The following FOXJ3 variants were observed in gnomAD, a reference collection of about 807,000 sequenced individuals.
The protein encoded by FOXJ3 is forkhead box J3, also known as forkhead box protein J3.
A neutral mutation model predicts 76.1 loss-of-function variants in FOXJ3; 22 were observed. The observed-to-expected ratio is 0.29, with a 90% CI of 0.21 to 0.41. The LOEUF (loss-of-function observed/expected upper bound fraction) is 0.41, where lower values mean the gene tolerates loss of function less well. Among genes scored for constraint, FOXJ3 ranks in the 10% least tolerant of loss-of-function variants. The pLI, the probability that FOXJ3 is intolerant of heterozygous loss-of-function variation, is 1.00. For missense variants in FOXJ3, 613 were observed against 762.1 expected (o/e 0.80, Z 2.30); for synonymous variants, 269 against 261.2 (o/e 1.03, Z -0.29).
At chr1:42,274,857 G>A (rs1259025996) in intron 3 of FOXJ3, among the ~76,000 whole-genome samples, 1 of 151,462 alleles carries the variant, frequency 6.6e-6, no homozygotes, top group Non-Finnish European at 1.5e-5. Context: ...TGAAATAATA[G>A]GGCAATATCA....
intron 6 of FOXJ3, among the ~76,000 whole-genome samples, chr1:42,203,265 A>T (rs1432782456): frequency 6.6e-6 from 1 of 152,062 alleles, no homozygotes; most frequent in Non-Finnish European, 1.5e-5. Flanking sequence ...ATATTCAATC[A>T]CTTGTTTACA....
At chr1:42,288,691 T>C (rs1292815512) in intron 2 of FOXJ3, among the ~76,000 whole-genome samples, 2 of 152,238 alleles carry the variant, frequency 1.3e-5, no homozygotes, top group African/African-American at 4.8e-5. Flanking sequence ...AAACATTATT[T>C]GCCTTTTTTC....
At chr1:42,269,037 G>A (rs1651679570) in intron 3 of FOXJ3, among the ~76,000 whole-genome samples, 1 of 152,118 alleles carries the variant, frequency 6.6e-6, no homozygotes, top group Non-Finnish European at 1.5e-5. Context: ...AGAATTATGA[G>A]AAATAAACAT....
At chr1:42,203,995 C>A (rs1450477919) in intron 6 of FOXJ3, among the ~76,000 whole-genome samples, 77 of 125,268 alleles carry the variant, frequency 6.1e-4, no homozygotes, top group Admixed American at 7.2e-4. Flanking sequence ...GATCCTGTCT[C>A]AAAAAAAAAA....
chr1:42,182,647 A>G lies in FOXJ3; in HGVS notation c.1646-623T>C, dbSNP rs147403702. Among the ~76,000 whole-genome samples the G allele has an allele frequency of 2.8e-4, 42 of 152,206 alleles. 3 individuals carry two copies. In the East Asian group the frequency reaches 8.2e-3, roughly 30 times the overall value. On this transcript the variant is annotated intron_variant, in intron 11 of 12. Transcript: ENST00000361346. ...CAAGTAGCTGGGATTACAGGCGTGC[A>G]CTACCACGCCTGGCTAATTTTTGTA...
chr1:42,288,408 C>T (rs1276916653), intron 2 of FOXJ3, among the ~76,000 whole-genome samples: 1 of 152,230 alleles, frequency 6.6e-6, no homozygotes, highest in Non-Finnish European at 1.5e-5. Context: ...ACTACTTCAG[C>T]TCACCAGCCA....
chr1:42,181,203 C>G (rs1465696670), intron 12 of FOXJ3, among the ~76,000 whole-genome samples: 1 of 152,206 alleles, frequency 6.6e-6, no homozygotes, highest in African/African-American at 2.4e-5. Context: ...TCTGGCCACT[C>G]ACTAAACTGG....
At chr1:42,216,387 G>A (rs558482849) in intron 5 of FOXJ3, among the ~76,000 whole-genome samples, 8 of 151,626 alleles carry the variant, frequency 5.3e-5, no homozygotes, top group African/African-American at 9.7e-5. Context: ...GCGTGGTAGC[G>A]GGCGCCTGTA....
At chr1:42,288,889 G>A (rs1176036780) in intron 2 of FOXJ3, among the ~76,000 whole-genome samples, 1 of 152,046 alleles carries the variant, frequency 6.6e-6, no homozygotes, top group African/African-American at 2.4e-5. Context: ...GGAACATACA[G>A]TTACTTTACA....
chr1:42,242,191 A>G (rs1649196983), intron 4 of FOXJ3, among the ~76,000 whole-genome samples: 1 of 152,072 alleles, frequency 6.6e-6, no homozygotes, highest in African/African-American at 2.4e-5. Context: ...CAACATAAAA[A>G]CACAAGAAAT....
Position 42,277,796 on chromosome 1 carries a change from CAAAAAAAAAAAA to C in FOXJ3, c.369+540_369+551del, listed in dbSNP as rs889209417. Among the ~76,000 whole-genome samples the C allele has an allele frequency of 9.8e-4, 2 of 2,036 alleles. 1 individual carries two copies. Among genetic ancestry groups the C allele is most frequent in the Admixed American group, 0.03 (2 of 66 alleles). 1.3% of individuals were successfully genotyped at this position (2,036 alleles called of 152,430 possible). A position where few individuals can be genotyped will look rare whatever the true frequency, so the allele number is the denominator to read the frequency against. ...TGGGCGACAGAGCGAGACTCCGTCTCAAAAAAAAAAAAAAAAAAAAAAAAAAAAAAATCTGCT... is the reference window on the plus strand; with the variant it reads ...TGGGCGACAGAGCGAGACTCCGTCTCAAAAAAAAAAAAAAAAAAATCTGCT... On this transcript the variant is annotated intron_variant, in intron 3 of 12. Coordinates refer to ENST00000361346, the MANE Select transcript of FOXJ3 (RefSeq NM_014947.5).
At chr1:42,237,326 G>C (rs1265805619) in intron 4 of FOXJ3, among the ~76,000 whole-genome samples, 1 of 150,952 alleles carries the variant, frequency 6.6e-6, no homozygotes, top group Non-Finnish European at 1.5e-5. Context: ...AGTGAGCAGA[G>C]ATCATGCCAC....
chr1:42,247,800 T>C (rs1386592620), intron 4 of FOXJ3, among the ~76,000 whole-genome samples: 1 of 152,144 alleles, frequency 6.6e-6, no homozygotes, highest in Non-Finnish European at 1.5e-5. Flanking sequence ...TATCCTAAAG[T>C]GTATACACAA....
intron 1 of FOXJ3, among the ~76,000 whole-genome samples, chr1:42,316,053 A>G (rs1655085669): frequency 6.6e-6 from 1 of 152,232 alleles, no homozygotes; most frequent in Non-Finnish European, 1.5e-5. Flanking sequence ...AAACTGAGTT[A>G]CAAACTATCC....
chr1:42,280,125 T>G (rs1652586819), intron 2 of FOXJ3, among the ~76,000 whole-genome samples: 1 of 152,130 alleles, frequency 6.6e-6, no homozygotes, highest in Non-Finnish European at 1.5e-5. Flanking sequence ...AAATATTACT[T>G]TGAAAATTAA....
intron 4 of FOXJ3, among the ~76,000 whole-genome samples, chr1:42,237,043 A>G (rs1020629370): frequency 1.3e-5 from 2 of 151,972 alleles, no homozygotes; most frequent in Admixed American, 6.6e-5. Flanking sequence ...AGTATTCCAA[A>G]TATCTTTTGC....
chr1:42,184,505 G>T (rs916125952), intron 11 of FOXJ3, among the ~76,000 whole-genome samples: 3 of 152,116 alleles, frequency 2.0e-5, no homozygotes, highest in African/African-American at 7.2e-5. Context: ...GAGTCTGAAT[G>T]AGTGTATTCC....
At chr1:42,251,903 G>C (rs1031304957) in intron 4 of FOXJ3, among the ~76,000 whole-genome samples, 1 of 151,784 alleles carries the variant, frequency 6.6e-6, no homozygotes, top group Non-Finnish European at 1.5e-5. Flanking sequence ...ATTTTTAGTA[G>C]AGACGGGGTT....
chr1:42,210,300 C>T (rs565847707), intron 5 of FOXJ3, among the ~76,000 whole-genome samples: 70 of 152,268 alleles, frequency 4.6e-4, no homozygotes, highest in Non-Finnish European at 6.9e-4. Flanking sequence ...CCCCATCTGG[C>T]TTTGTCCCTT....
Sources: allele counts gnomAD v4.1 joint callset (sites outside exome capture counted in the v4.1 genomes callset), GRCh38; gene constraint gnomAD v4.1.1; transcripts MANE v1.5; gene names NCBI Gene and HGNC (gene_info 2026-07-23, HGNC 2026-07-21).